The following KCTD19 variants were observed in gnomAD, a reference collection of about 807,000 sequenced individuals.
KCTD19 encodes potassium channel tetramerization domain containing 19, also known as BTB/POZ domain-containing protein KCTD19.
KCTD19 carries 67 observed loss-of-function variants against 103.5 expected under a neutral mutation model. The ratio of observed to expected loss-of-function variants is 0.65; its 90% confidence interval spans 0.53 to 0.79. The LOEUF is 0.79. Ranked by LOEUF, KCTD19 falls within the 30% of genes least tolerant of loss-of-function variation. The pLI is 0.00. For missense variants in KCTD19, 980 were observed against 1,136.1 expected, an observed-to-expected ratio of 0.86 and a Z score of 1.98; for synonymous variants, 439 against 452.2, an observed-to-expected ratio of 0.97 and a Z score of 0.37.
Position 67,301,939 on chromosome 16 carries a change from G to T in KCTD19, c.644-17C>A. ...GAAAATTCACTTGAAAAACAAAGGG[G>T]AACACAGTGAGTTAATGAGGCTATT... On this transcript the variant is annotated splice_polypyrimidine_tract_variant and intron_variant, in intron 4 of 15. Transcript: ENST00000304372. 1.2e-6 allele frequency: 2 copies of T among 1,613,386 alleles called. No individual in the cohort carries two copies. Among genetic ancestry groups the T allele is most frequent in the Non-Finnish European group, 1.7e-6 (2 of 1,179,560 alleles).
chr16:67,320,510 A>G lies in KCTD19; in HGVS notation c.300+79T>C. Reference sequence around the variant, plus strand: ...ATTAAGAGGGTCATCTCAGCAACCAATATATAACAGGAAACAATATTTAGT... The same window carrying G: ...ATTAAGAGGGTCATCTCAGCAACCAGTATATAACAGGAAACAATATTTAGT... On this transcript the variant is annotated intron_variant, in intron 2 of 15. Coordinates refer to ENST00000304372, the MANE Select transcript of KCTD19 (RefSeq NM_001100915.3). The surrounding 1 kb of genome is among the most constrained non-coding windows in gnomAD (Gnocchi z 4.0). The G allele has an allele frequency of 7.1e-7, 1 of 1,404,126 alleles. No homozygotes were observed. The highest frequency in any genetic ancestry group is 1.3e-5 in the South Asian group (1 of 75,416). 87.0% of individuals were successfully genotyped at this position (1,404,126 alleles called of 1,614,324 possible). A position where few individuals can be genotyped will look rare whatever the true frequency, so the allele number is the denominator to read the frequency against.
chr16:67,313,742 C>T (rs2036972910), intron 2 of KCTD19, among the ~76,000 whole-genome samples: 1 of 151,958 alleles, frequency 6.6e-6, no homozygotes, highest in South Asian at 2.1e-4. Context: ...GCGCATGCCA[C>T]CATGCTCAGC....
chr16:67,297,786 C>T (rs2036783233), intron 6 of KCTD19, 123 bp from the exon 7 acceptor site: 1 of 875,586 alleles, frequency 1.1e-6, no homozygotes, highest in Non-Finnish European at 1.7e-6. Flanking sequence ...GCATCATTAA[C>T]ATCGTTTCCT....
rs2037059591 is a variant in KCTD19, at chr16:67,320,457, T to A, written c.300+132A>T. ...CTATACTAATGAGGAAATTATTTAT[T>A]ACTTTAACACACTTATTACATTTGC... is the stretch of plus-strand genomic sequence containing the variant. On this transcript the variant is annotated intron_variant, in intron 2 of 15. Transcript: ENST00000304372. The surrounding 1 kb of genome is among the most constrained non-coding windows in gnomAD (Gnocchi z 4.0). 1 of 851,804 alleles carries A rather than the reference T, an allele frequency of 1.2e-6. No homozygotes were observed. 52.8% of individuals were successfully genotyped at this position (851,804 alleles called of 1,614,324 possible). A position where few individuals can be genotyped will look rare whatever the true frequency, so the allele number is the denominator to read the frequency against.
In KCTD19 at chr16:67,291,821, C is replaced by CT. The variant is rs1567446542; in HGVS notation, c.2234dup (p.Gln746AlafsTer8). On this transcript the variant is annotated frameshift_variant, in exon 13 of 16. Transcript: ENST00000304372. LOFTEE classifies it high-confidence loss of function. Reference sequence around the variant, plus strand: ...CCTCACTGGCCTCGGGCAGAGGCTGCTCAGGGGCAGGGCTTTCTGTGAAAA... The same window carrying CT: ...CCTCACTGGCCTCGGGCAGAGGCTGCTTCAGGGGCAGGGCTTTCTGTGAAAA... The CT allele has an allele frequency of 1.2e-6, 2 of 1,606,040 alleles. No individual in the cohort carries two copies. Among genetic ancestry groups the CT allele is most frequent in the Admixed American group, 3.4e-5 (2 of 59,308 alleles).
At chr16:67,290,662 T>C (rs2036676022) in intron 15 of KCTD19, among the ~76,000 whole-genome samples, 1 of 152,166 alleles carries the variant, frequency 6.6e-6, no homozygotes, top group African/African-American at 2.4e-5. Context: ...GCACAGCTGG[T>C]ATCATTGGAG....
intron 15 of KCTD19, among the ~76,000 whole-genome samples, chr16:67,290,042 G>T (rs2036659722): frequency 6.6e-6 from 1 of 152,016 alleles, no homozygotes; most frequent in Admixed American, 6.6e-5. Flanking sequence ...CTTGATTATA[G>T]AAGTGTCAGA....
At position 67,297,628 on chromosome 16, in the gene KCTD19, T is replaced by C; in HGVS notation, c.1022A>G (p.Glu341Gly). The change falls in exon 7 of 16, where the codon GAG becomes GGG. Residue 341 changes from glutamate to glycine, a missense_variant. Physicochemically the swap from Glu to Gly is moderately conservative, Grantham distance 98. Transcript: ENST00000304372. ...WLGTCRLPLTETISEVYELCA... is the reference protein window; with the variant it reads ...WLGTCRLPLTGTISEVYELCA... ...GAGCTCATATACCTCGGAAATGGTC[T>C]CTGTCAGGGGCAGCCGGCAAGTCCC... 1 of 1,614,048 alleles carries C rather than the reference T, an allele frequency of 6.2e-7. No homozygotes were observed. The highest frequency in any genetic ancestry group is 8.5e-7 in the Non-Finnish European group (1 of 1,180,008).
In KCTD19 at chr16:67,289,664, T is replaced by A; in HGVS notation, c.2686A>T (p.Arg896Trp). Reference protein sequence around the residue: ...SWVELTLPFARKYGRCMDLLI... With the variant: ...SWVELTLPFAWKYGRCMDLLI... Reference sequence around the variant, plus strand: ...AGGTCCATGCATCGGCCATATTTCCTGGCGAAGGGCAGTGTAAGCTGGAAG... The same window carrying A: ...AGGTCCATGCATCGGCCATATTTCCAGGCGAAGGGCAGTGTAAGCTGGAAG... Residue 896 changes from arginine (R) to tryptophan (W), a missense_variant, in exon 16 of 16, where the codon AGG becomes TGG. Transcript: ENST00000304372. The A allele has an allele frequency of 6.2e-7, 1 of 1,613,920 alleles. No individual in the cohort carries two copies. The highest frequency in any genetic ancestry group is 8.5e-7 in the Non-Finnish European group (1 of 1,179,862).
At chr16:67,325,614 A>G (rs2037146012) in intron 1 of KCTD19, among the ~76,000 whole-genome samples, 1 of 151,980 alleles carries the variant, frequency 6.6e-6, no homozygotes, top group Non-Finnish European at 1.5e-5. Flanking sequence ...TGTCCCATCC[A>G]CAGGTGGGCT....
chr16:67,301,882 AT>A lies in KCTD19; in HGVS notation c.683del (p.Asn228IlefsTer8). The A allele has an allele frequency of 6.2e-7, 1 of 1,613,540 alleles. No individual in the cohort carries two copies. ...LRSQKILLPD[N>X]FSNIDVLEAE... ...CTTCTAATACATCAATGTTGGAGAA[AT>A]TATCCGGTAGTAAAATCTTCTGTGA... On this transcript the variant is annotated frameshift_variant, in exon 5 of 16. Transcript: ENST00000304372. LOFTEE classifies it high-confidence loss of function.
Position 67,289,507 on chromosome 16 carries a change from G to A in KCTD19, c.*62C>T. Reference sequence around the variant, plus strand: ...CCTCTGATGGGCACATGCATTCTGGGCTATCTCCAATTAAAATGAGACTTG... The same window carrying A: ...CCTCTGATGGGCACATGCATTCTGGACTATCTCCAATTAAAATGAGACTTG... On this transcript the variant is annotated 3_prime_UTR_variant, in exon 16 of 16. Transcript: ENST00000304372. The A allele has an allele frequency of 5.2e-6, 5 of 958,074 alleles. No homozygotes were observed. The highest frequency in any genetic ancestry group is 1.6e-5 in the African/African-American group (1 of 62,090). 59.3% of individuals were successfully genotyped at this position (958,074 alleles called of 1,614,324 possible).
In KCTD19 at chr16:67,294,745, A is replaced by T. The variant is rs752601467; in HGVS notation, c.1476-51T>A. 15 of 1,323,438 alleles carry T rather than the reference A, an allele frequency of 1.1e-5. No homozygotes were observed. In the Admixed American group the frequency reaches 2.5e-4, roughly 22 times the overall value. 82.0% of individuals were successfully genotyped at this position (1,323,438 alleles called of 1,614,324 possible). On this transcript the variant is annotated intron_variant, in intron 10 of 15. Coordinates refer to ENST00000304372, the MANE Select transcript of KCTD19 (RefSeq NM_001100915.3). ...AGTGAGTAGAGACTTCCATCAGGCCATTGGCCAGTTGGTCAGATCTGCTCT... is the reference window on the plus strand; with the variant it reads ...AGTGAGTAGAGACTTCCATCAGGCCTTTGGCCAGTTGGTCAGATCTGCTCT...
At position 67,304,579 on chromosome 16, in the gene KCTD19, A is replaced by G; in HGVS notation, c.301-8T>C. 1 of 1,612,508 alleles carries G rather than the reference A, an allele frequency of 6.2e-7. No homozygotes were observed. Among genetic ancestry groups the G allele is most frequent in the Non-Finnish European group, 8.5e-7 (1 of 1,178,592 alleles). On this transcript the variant is annotated splice_polypyrimidine_tract_variant and splice_region_variant and intron_variant, in intron 2 of 15. Coordinates refer to ENST00000304372, the MANE Select transcript of KCTD19 (RefSeq NM_001100915.3). ...CTTCAGGTTATCTAGAGTCTGTTAGATAATGAAGAGTACTATCTTGAGAAT... is the reference window on the plus strand; with the variant it reads ...CTTCAGGTTATCTAGAGTCTGTTAGGTAATGAAGAGTACTATCTTGAGAAT...
At chr16:67,305,423 G>A in intron 2 of KCTD19, 2 of 286,392 alleles carry the variant, frequency 7.0e-6, no homozygotes, top group Non-Finnish European at 6.9e-6. Flanking sequence ...TCTTACTGAT[G>A]AGGCAGCTGA....
chr16:67,295,891 C>T (rs771802393), intron 8 of KCTD19: 3 of 416,858 alleles, frequency 7.2e-6, no homozygotes, highest in African/African-American at 4.0e-5. Flanking sequence ...ATTACAGGCA[C>T]GTGCCATCAC....
chr16:67,308,612 C>T (rs2036918541), intron 2 of KCTD19, among the ~76,000 whole-genome samples: 1 of 152,148 alleles, frequency 6.6e-6, no homozygotes, highest in Non-Finnish European at 1.5e-5. Flanking sequence ...GCCCAGAATA[C>T]TCCTCCCCAT....
chr16:67,308,862 G>C (rs752671429), intron 2 of KCTD19, among the ~76,000 whole-genome samples: 1 of 152,142 alleles, frequency 6.6e-6, no homozygotes, highest in Non-Finnish European at 1.5e-5. Flanking sequence ...GCCAGGTGCG[G>C]TGGCTCACAC....
chr16:67,294,732 CT>C (rs772387836), intron 10 of KCTD19, 38 bp from the exon 11 acceptor site: 3 of 1,433,226 alleles, frequency 2.1e-6, no homozygotes, highest in Non-Finnish European at 3.0e-6. Context: ...TGAGTAGAGA[CT>C]TCCATCAGGC....
Sources: allele counts gnomAD v4.1 joint callset (sites outside exome capture counted in the v4.1 genomes callset), GRCh38; gene constraint gnomAD v4.1.1; non-coding constraint Gnocchi (gnomAD v3.1); transcripts MANE v1.5; gene names NCBI Gene and HGNC (gene_info 2026-07-23, HGNC 2026-07-21).